The following LRRTM4 variants were observed in gnomAD, a reference collection of about 807,000 sequenced individuals.
LRRTM4 encodes the protein leucine rich repeat transmembrane neuronal 4.
In LRRTM4, 25 loss-of-function variants were observed where a neutral mutation model predicts 47.6. The ratio of observed to expected loss-of-function variants is 0.53; its 90% CI spans 0.38 to 0.73. LRRTM4 has a LOEUF of 0.73. Ranked by LOEUF, LRRTM4 falls within the 30% of genes least tolerant of loss-of-function variation. LRRTM4 has a pLI of 0.00. For missense variants in LRRTM4, 638 were observed against 713.4 expected, an observed-to-expected ratio of 0.89 and a Z score of 1.20; for synonymous variants, 311 against 269.5, an observed-to-expected ratio of 1.15 and a Z score of -1.51.
rs59335400 is a variant in LRRTM4, at chr2:77,207,372, T to TATATATATATACACACACACAC, written c.1551+310945_1551+310946insGTGTGTGTGTGTATATATATAT. 6.1e-5 allele frequency among the ~76,000 whole-genome samples: 8 copies of TATATATATATACACACACACAC among 131,106 alleles called. No homozygotes were observed. In the East Asian group the frequency reaches 2.2e-3, roughly 35 times the overall value. 86.0% of individuals were successfully genotyped at this position (131,106 alleles called of 152,430 possible). A position where few individuals can be genotyped will look rare whatever the true frequency, so the allele number is the denominator to read the frequency against. On this transcript the variant is annotated intron_variant, in intron 3 of 3. Coordinates refer to ENST00000409884, the MANE Select transcript of LRRTM4 (RefSeq NM_001134745.3). ...GTGTATATATATATATATATATATATACACACACACATATTTATATACACA... is the reference window on the plus strand; with the variant it reads ...GTGTATATATATATATATATATATATATATATATATACACACACACACACACACACACATATTTATATACACA...
intron 3 of LRRTM4, among the ~76,000 whole-genome samples, chr2:77,157,902 A>C (rs1482519341): frequency 6.6e-6 from 1 of 152,182 alleles, no homozygotes; most frequent in Non-Finnish European, 1.5e-5. Context: ...CAGGTCAAAC[A>C]GCTCGAGTGA....
intron 3 of LRRTM4, among the ~76,000 whole-genome samples, chr2:77,232,644 C>T (rs534281079): frequency 6.6e-6 from 1 of 152,274 alleles, no homozygotes; most frequent in East Asian, 1.9e-4. Context: ...TCTGAAATTT[C>T]CCTATTATTT....
intron 3 of LRRTM4, among the ~76,000 whole-genome samples, chr2:76,843,638 T>C (rs1671752529): frequency 6.6e-6 from 1 of 152,164 alleles, no homozygotes; most frequent in Non-Finnish European, 1.5e-5. Context: ...TAGAATTACA[T>C]GATGGACAAT....
chr2:77,129,078 C>T (rs556571832), intron 3 of LRRTM4, among the ~76,000 whole-genome samples: 3 of 152,254 alleles, frequency 2.0e-5, no homozygotes, highest in Admixed American at 2.0e-4. Flanking sequence ...CTCTTTGAAT[C>T]TCCTTTGTCT....
At chr2:77,115,984 G>T (rs1211286561) in intron 3 of LRRTM4, among the ~76,000 whole-genome samples, 1 of 152,068 alleles carries the variant, frequency 6.6e-6, no homozygotes, top group Non-Finnish European at 1.5e-5. Flanking sequence ...TGTCTGCTTG[G>T]GGAGTGTTCT....
At chr2:77,222,064 G>A (rs1261265891) in intron 3 of LRRTM4, among the ~76,000 whole-genome samples, 18 of 152,178 alleles carry the variant, frequency 1.2e-4, no homozygotes, top group Middle Eastern at 3.4e-3. Context: ...ACTCAAAACC[G>A]CTCAACTACA....
chr2:77,212,474 T>TATATAGAGAG (rs1431592737), intron 3 of LRRTM4, among the ~76,000 whole-genome samples: 2 of 136,956 alleles, frequency 1.5e-5, no homozygotes, highest in African/African-American at 5.4e-5. Flanking sequence ...TATATATATA[T>TATATAGAGAG]AGAGAGAGAG....
intron 3 of LRRTM4, among the ~76,000 whole-genome samples, chr2:76,931,898 G>A (rs1015109990): frequency 2.0e-5 from 3 of 152,054 alleles, no homozygotes; most frequent in African/African-American, 7.2e-5. Flanking sequence ...TATTATGATA[G>A]AGTGCATTAA....
chr2:76,944,079 T>C (rs1414958413), intron 3 of LRRTM4, among the ~76,000 whole-genome samples: 1 of 152,196 alleles, frequency 6.6e-6, no homozygotes, highest in Non-Finnish European at 1.5e-5. Flanking sequence ...AAGATATTAA[T>C]GTGACCTGTG....
chr2:77,109,477 A>C (rs1195784829), intron 3 of LRRTM4, among the ~76,000 whole-genome samples: 2 of 152,212 alleles, frequency 1.3e-5, no homozygotes, highest in Admixed American at 1.3e-4. Flanking sequence ...TTGGAGACTG[A>C]ATTTATGCAA....
chr2:77,235,237 C>T (rs1424232696), intron 3 of LRRTM4, among the ~76,000 whole-genome samples: 2 of 152,076 alleles, frequency 1.3e-5, no homozygotes, highest in South Asian at 2.1e-4. Flanking sequence ...AATACCCATT[C>T]TGACTGGTTT....
chr2:76,803,455 G>C (rs368198243), intron 3 of LRRTM4, among the ~76,000 whole-genome samples: 3 of 152,082 alleles, frequency 2.0e-5, no homozygotes, highest in African/African-American at 7.2e-5. Context: ...GTACATTTTG[G>C]CGAGGTTGTG....
At chr2:77,036,460 TATCTCATCCTTTACA>T (rs1678840393) in intron 3 of LRRTM4, among the ~76,000 whole-genome samples, 3 of 151,720 alleles carry the variant, frequency 2.0e-5, no homozygotes, top group African/African-American at 7.2e-5. Flanking sequence ...CTTGCTCAGA[TATCTCATCCTTTACA>T]GAACTATTGT....
intron 3 of LRRTM4, among the ~76,000 whole-genome samples, chr2:76,778,701 C>CA (rs917923649): frequency 4.0e-4 from 61 of 151,436 alleles, no homozygotes; most frequent in Non-Finnish European, 7.5e-4. Flanking sequence ...TTGATCCTTT[C>CA]AAAAAACCAG....
At chr2:77,228,418 C>G (rs971757404) in intron 3 of LRRTM4, among the ~76,000 whole-genome samples, 1 of 152,064 alleles carries the variant, frequency 6.6e-6, no homozygotes, top group East Asian at 1.9e-4. Flanking sequence ...ATGGGTTTGG[C>G]GAAGTCCCAT....
intron 3 of LRRTM4, among the ~76,000 whole-genome samples, chr2:77,285,652 G>C (rs986161203): frequency 6.6e-6 from 1 of 151,824 alleles, no homozygotes; most frequent in Admixed American, 6.6e-5. Context: ...TGAGGCAGGA[G>C]AATTGCTTGA....
At chr2:76,921,269 A>T (rs1268467635) in intron 3 of LRRTM4, among the ~76,000 whole-genome samples, 2 of 152,056 alleles carry the variant, frequency 1.3e-5, no homozygotes, top group African/African-American at 4.8e-5. Flanking sequence ...GGATTTTTCT[A>T]ATGTTTTTCT....
chr2:77,277,422 TA>T (rs1308834878), intron 3 of LRRTM4, among the ~76,000 whole-genome samples: 2 of 152,012 alleles, frequency 1.3e-5, no homozygotes, highest in Non-Finnish European at 2.9e-5. Context: ...TATAGAGTTA[TA>T]AAAAATAGAG....
chr2:77,178,601 C>A (rs550029011), intron 3 of LRRTM4, among the ~76,000 whole-genome samples: 5 of 152,018 alleles, frequency 3.3e-5, no homozygotes, highest in Admixed American at 3.3e-4. Flanking sequence ...CAAACAACAA[C>A]AACAACAACA....
Sources: allele counts gnomAD v4.1 joint callset (sites outside exome capture counted in the v4.1 genomes callset), GRCh38; gene constraint gnomAD v4.1.1; transcripts MANE v1.5; gene names NCBI Gene and HGNC (gene_info 2026-07-23, HGNC 2026-07-21).